ADGRD1: variants seen among roughly 807,000 people sequenced by gnomAD.
ADGRD1 encodes the protein adhesion G protein-coupled receptor D1.
Under a neutral mutation model 113.4 loss-of-function variants are expected in ADGRD1, and 77 were observed. That is an observed-to-expected ratio of 0.68 (90% CI 0.57 to 0.82). The LOEUF is 0.82. ADGRD1 is among the 40% of genes least tolerant of loss of function. ADGRD1 has a pLI of 0.00. For missense variants in ADGRD1, 1,036 were observed against 1,139.1 expected, an observed-to-expected ratio of 0.91 and a Z score of 1.30; for synonymous variants, 474 against 475.0, an observed-to-expected ratio of 1.00 and a Z score of 0.03.
In ADGRD1 at chr12:131,110,310, A is replaced by T. The variant is rs566181432; in HGVS notation, c.2041+1433A>T. 2.0e-5 allele frequency among the ~76,000 whole-genome samples: 3 copies of T among 151,770 alleles called. No homozygotes were observed. The South Asian group carries it at 6.3e-4, about 32-fold the overall frequency. ...TTACTTCTTTCTTTTGAATTAAGTG[A>T]ATATTTCCTAGTGTAACACTTTAAT... On this transcript the variant is annotated intron_variant, in intron 18 of 24. Transcript: ENST00000261654.
At chr12:131,121,877 G>A (rs1950604121) in intron 20 of ADGRD1, 1 of 152,380 alleles carries the variant, frequency 6.6e-6, no homozygotes, top group African/African-American at 2.4e-5. Flanking sequence ...ATTGGCTGCG[G>A]TGAGTCATGT....
At chr12:130,975,856 A>G (rs1872243266) in intron 4 of ADGRD1, among the ~76,000 whole-genome samples, 1 of 152,132 alleles carries the variant, frequency 6.6e-6, no homozygotes. Context: ...ACTTCGGCCC[A>G]TTGCTTCTAG....
At chr12:131,135,944 C>T (rs1377881711) in intron 21 of ADGRD1, 93 bp from the exon 22 acceptor site, 2 of 1,400,858 alleles carry the variant, frequency 1.4e-6, no homozygotes, top group Non-Finnish European at 2.0e-6. Flanking sequence ...GCGGTGCCTG[C>T]ACCCATCTGG....
At chr12:131,016,481 G>A (rs577072670) in intron 13 of ADGRD1, among the ~76,000 whole-genome samples, 24 of 152,360 alleles carry the variant, frequency 1.6e-4, no homozygotes, top group Non-Finnish European at 2.5e-4. Flanking sequence ...GTCAGTGAGG[G>A]TGCACTCCAC....
chr12:130,984,663 T>C lies in ADGRD1; in HGVS notation c.491-2432T>C, dbSNP rs1873408289. 6.6e-6 allele frequency among the ~76,000 whole-genome samples: 1 copy of C among 152,150 alleles called. No individual in the cohort carries two copies. The highest frequency in any genetic ancestry group is 2.1e-4 in the South Asian group (1 of 4,802). ...TGTCACCCAAAGTCCATAGTTCACA[T>C]TAGCATTTGCTCTCGGTGTTGTACA... is the stretch of plus-strand genomic sequence containing the variant. On this transcript the variant is annotated intron_variant, in intron 5 of 24. Transcript: ENST00000261654. The surrounding 1 kb of genome is among the most constrained non-coding windows in gnomAD (Gnocchi z 4.1).
intron 18 of ADGRD1, among the ~76,000 whole-genome samples, chr12:131,112,149 G>T (rs1345147423): frequency 6.6e-6 from 1 of 152,080 alleles, no homozygotes; most frequent in Admixed American, 6.6e-5. Context: ...AGCACAGTCT[G>T]TTTCTCCTGT....
chr12:131,122,684 C>T (rs946921554), intron 20 of ADGRD1, among the ~76,000 whole-genome samples: 1 of 152,144 alleles, frequency 6.6e-6, no homozygotes, highest in African/African-American at 2.4e-5. Context: ...GTTCCTTGTT[C>T]TCCCTTTCTC....
In ADGRD1 at chr12:131,060,346, C is replaced by A. The variant is rs1884214842; in HGVS notation, c.1474-16455C>A. On this transcript the variant is annotated intron_variant, in intron 13 of 24. Coordinates refer to ENST00000261654, the MANE Select transcript of ADGRD1 (RefSeq NM_198827.5). This position sits in a 1 kb window ranked among gnomAD's most constrained non-coding sequence, Gnocchi z 4.4. ...CTAATTACTGCCTGTCTAGGTGGCC[C>A]CTTTCCTGGTCCTCTGTGGTTACTG... Among the ~76,000 whole-genome samples the A allele has an allele frequency of 6.6e-6, 1 of 152,216 alleles. No individual in the cohort carries two copies. The highest frequency in any genetic ancestry group is 6.5e-5 in the Admixed American group (1 of 15,284).
chr12:130,964,054 A>T (rs1216991243), intron 2 of ADGRD1, among the ~76,000 whole-genome samples: 1 of 152,054 alleles, frequency 6.6e-6, no homozygotes, highest in Non-Finnish European at 1.5e-5. Context: ...TTTATACGTA[A>T]TTTTTATTTC....
intron 18 of ADGRD1, among the ~76,000 whole-genome samples, chr12:131,117,661 T>G (rs1243600638): frequency 6.6e-6 from 1 of 152,158 alleles, no homozygotes; most frequent in African/African-American, 2.4e-5. Flanking sequence ...CAGCCAGTCC[T>G]GGGTCACATG....
At chr12:130,981,050 C>G (rs535672320) in intron 4 of ADGRD1, 1 of 152,224 alleles carries the variant, frequency 6.6e-6, no homozygotes, top group African/African-American at 2.4e-5. Flanking sequence ...GCTGCTGCCC[C>G]CTCTGTATCC....
At chr12:130,976,655 A>G (rs1449536924) in intron 4 of ADGRD1, 1 of 152,166 alleles carries the variant, frequency 6.6e-6, no homozygotes, top group Non-Finnish European at 1.5e-5. Flanking sequence ...GGGTGGATCC[A>G]AATACCCCAG....
At chr12:131,132,386 C>T (rs1950956330) in intron 21 of ADGRD1, among the ~76,000 whole-genome samples, 1 of 152,190 alleles carries the variant, frequency 6.6e-6, no homozygotes, top group Non-Finnish European at 1.5e-5. Context: ...TGACCTGCAT[C>T]TCTTACGGCC....
rs138479680 is a variant in ADGRD1 at position 131,136,749 on chromosome 12, C to T, written c.2395-224C>T. 1.3e-4 allele frequency among the ~76,000 whole-genome samples: 20 copies of T among 152,378 alleles called. 1 individual carries two copies. In the East Asian group the frequency reaches 2.9e-3, roughly 22 times the overall value. ...CCACCTGCTGCCGCACCTATGCCCACGCAGCACCCCCTCTCTGAACTCGGT... is the reference window on the plus strand; with the variant it reads ...CCACCTGCTGCCGCACCTATGCCCATGCAGCACCCCCTCTCTGAACTCGGT... On this transcript the variant is annotated intron_variant, in intron 22 of 24. Transcript: ENST00000261654.
At chr12:130,972,402 A>G (rs1213362339) in intron 4 of ADGRD1, among the ~76,000 whole-genome samples, 1 of 152,210 alleles carries the variant, frequency 6.6e-6, no homozygotes, top group Middle Eastern at 3.2e-3. Context: ...TTCATTGTAC[A>G]TGATTGTAGG....
intron 4 of ADGRD1, among the ~76,000 whole-genome samples, chr12:130,973,904 A>C (rs1183924237): frequency 6.6e-6 from 1 of 152,198 alleles, no homozygotes. Flanking sequence ...CCTCGGCAAC[A>C]CAGTGAGATC....
intron 20 of ADGRD1, among the ~76,000 whole-genome samples, chr12:131,130,208 C>A (rs1950878099): frequency 6.6e-6 from 1 of 152,234 alleles, no homozygotes. Context: ...GTGTTGACTT[C>A]TTTTCCCTTC....
intron 11 of ADGRD1, among the ~76,000 whole-genome samples, chr12:131,004,628 G>A (rs1876862349): frequency 1.3e-5 from 2 of 152,286 alleles, no homozygotes; most frequent in Middle Eastern, 6.8e-3. Flanking sequence ...GGCCCACTGG[G>A]AAGTCATCCT....
intron 13 of ADGRD1, among the ~76,000 whole-genome samples, chr12:131,038,422 C>T (rs112033975): frequency 0.015 from 2,224 of 152,352 alleles, 33 homozygotes; most frequent in South Asian, 0.053. Flanking sequence ...GGTTTGGTAT[C>T]GCAGAGCCGA....
Sources: gnomAD v4.1 joint callset for allele counts (sites outside exome capture counted in the v4.1 genomes callset) on GRCh38, gnomAD v4.1.1 for gene constraint, Gnocchi (gnomAD v3.1) non-coding constraint, MANE v1.5 for transcripts, NCBI Gene and HGNC (gene_info 2026-07-23, HGNC 2026-07-21) for gene names.